TENM1: variants seen among roughly 807,000 people sequenced by gnomAD.
The protein encoded by TENM1 is teneurin-1.
TENM1 carries 35 observed loss-of-function variants against 174.8 expected under a neutral mutation model. The observed-to-expected ratio is 0.20, with a 90% CI of 0.15 to 0.27. The LOEUF is 0.27. Ranked by LOEUF, TENM1 falls within the 10% of genes least tolerant of loss-of-function variation. The pLI, the probability that TENM1 is intolerant of heterozygous loss-of-function variation, is 1.00. For missense variants in TENM1, 1,633 were observed against 2,130.1 expected (o/e 0.77, Z 4.59); for synonymous variants, 781 against 798.7 (o/e 0.98, Z 0.37).
At chrX:124,856,904 A>T (rs1021020690) in intron 3 of TENM1, among the ~76,000 whole-genome samples, 2 of 111,488 alleles carry the variant, frequency 1.8e-5, no homozygotes, top group African/African-American at 6.5e-5. Flanking sequence ...GATAGGGTAG[A>T]ATAGAACAGA....
intron 15 of TENM1, among the ~76,000 whole-genome samples, chrX:124,545,311 C>A (rs1239183077): frequency 8.9e-6 from 1 of 111,989 alleles, no homozygotes; most frequent in Admixed American, 9.4e-5. Context: ...TCACTCTGAG[C>A]GGCTGGCAAG....
chrX:124,697,485 T>C (rs902452854), intron 5 of TENM1, among the ~76,000 whole-genome samples: 20 of 111,074 alleles, frequency 1.8e-4, no homozygotes, highest in African/African-American at 6.5e-4. Flanking sequence ...CTTGTAAGTC[T>C]ACCCAGGAAA....
the TENM1 span, among the ~76,000 whole-genome samples, chrX:125,179,684 A>G: frequency 1.8e-5 from 2 of 110,788 alleles, no homozygotes. Flanking sequence ...TGCCTGGACC[A>G]GTGGCATCAG....
the TENM1 span, among the ~76,000 whole-genome samples, chrX:125,176,561 A>G: frequency 2.7e-5 from 3 of 111,331 alleles, no homozygotes; most frequent in African/African-American, 6.5e-5. Context: ...TTTTCATTCT[A>G]TGGTCCCTCT....
At chrX:124,924,883 CAT>C (rs2058070872) in intron 1 of TENM1, among the ~76,000 whole-genome samples, 1 of 110,473 alleles carries the variant, frequency 9.1e-6, no homozygotes, top group Non-Finnish European at 1.9e-5. Flanking sequence ...TGAAATCAAA[CAT>C]GTACTAACAG....
intron 1 of TENM1, among the ~76,000 whole-genome samples, chrX:124,918,824 C>G (rs1004102913): frequency 1.8e-5 from 2 of 111,510 alleles, no homozygotes; most frequent in African/African-American, 6.5e-5. Flanking sequence ...GTCAAGTAAC[C>G]TGCCATGTTA....
chrX:124,405,350 G>A (rs1222086858), intron 26 of TENM1, 84 bp from the exon 30 acceptor site: 6 of 785,993 alleles, frequency 7.6e-6, no homozygotes, highest in Non-Finnish European at 1.1e-5. Flanking sequence ...GTTTTAGGAG[G>A]CACGTTTGGG....
At chrX:124,783,619 AC>A (rs1193347485) in intron 3 of TENM1, among the ~76,000 whole-genome samples, 1 of 111,700 alleles carries the variant, frequency 9.0e-6, no homozygotes, top group Non-Finnish European at 1.9e-5. Context: ...AAAATCGATG[AC>A]CTTTAGGAAC....
chrX:124,863,736 G>A (rs2056955100), intron 3 of TENM1, among the ~76,000 whole-genome samples: 1 of 112,399 alleles, frequency 8.9e-6, no homozygotes, highest in Non-Finnish European at 1.9e-5. Context: ...CAATTGTAGA[G>A]CCCCCAGGCC....
At chrX:125,165,228 G>A in the TENM1 span, among the ~76,000 whole-genome samples, 6 of 111,679 alleles carry the variant, frequency 5.4e-5, no homozygotes, top group African/African-American at 1.6e-4. Context: ...AGGAAAGAAC[G>A]GAGTGGAAAA....
At chrX:125,136,872 G>A in the TENM1 span, among the ~76,000 whole-genome samples, 1 of 111,728 alleles carries the variant, frequency 9.0e-6, no homozygotes, top group Non-Finnish European at 1.9e-5. Flanking sequence ...ATGTATAAGG[G>A]ACTTGAACAT....
chrX:125,061,768 A>G, the TENM1 span, among the ~76,000 whole-genome samples: 2 of 111,745 alleles, frequency 1.8e-5, no homozygotes, highest in Non-Finnish European at 3.8e-5. Context: ...AATACAAAAC[A>G]AACTAGTGGT....
intron 3 of TENM1, among the ~76,000 whole-genome samples, chrX:124,846,620 C>T: frequency 9.0e-6 from 1 of 111,293 alleles, no homozygotes; most frequent in Non-Finnish European, 1.9e-5. Context: ...CTTTCACAAG[C>T]AAAATTAACA....
chrX:124,877,748 A>C (rs1262861992), intron 3 of TENM1, among the ~76,000 whole-genome samples: 1 of 111,324 alleles, frequency 9.0e-6, no homozygotes, highest in Non-Finnish European at 1.9e-5. Flanking sequence ...GCCGACTACC[A>C]CACAGTCAGA....
chrX:125,114,854 A>G, the TENM1 span, among the ~76,000 whole-genome samples: 2 of 111,933 alleles, frequency 1.8e-5, no homozygotes, highest in Non-Finnish European at 3.8e-5. Context: ...TACTCCAAAC[A>G]ATAGAAAAAC....
At chrX:124,459,528 T>C (rs766530890) in intron 22 of TENM1, among the ~76,000 whole-genome samples, 36 of 111,262 alleles carry the variant, frequency 3.2e-4, no homozygotes, top group Non-Finnish European at 5.1e-4. Context: ...CTACAATAAC[T>C]GGCTAGCCAT....
the TENM1 span, among the ~76,000 whole-genome samples, chrX:125,000,813 T>C: frequency 5.6e-4 from 62 of 111,676 alleles, no homozygotes; most frequent in African/African-American, 2.0e-3. Context: ...CCTCATTACA[T>C]GAGGTTGAGA....
At chrX:124,474,376 G>T (rs1321920553) in intron 22 of TENM1, among the ~76,000 whole-genome samples, 1 of 111,136 alleles carries the variant, frequency 9.0e-6, no homozygotes, top group East Asian at 2.8e-4. Flanking sequence ...AATTAGCAGT[G>T]GATCTGGGAT....
At chrX:125,133,147 C>T in the TENM1 span, among the ~76,000 whole-genome samples, 1 of 110,872 alleles carries the variant, frequency 9.0e-6, no homozygotes, top group African/African-American at 3.3e-5. Flanking sequence ...GCGTCTGCCA[C>T]CACGCCTGGC....
Sources: gnomAD v4.1 joint callset for allele counts (sites outside exome capture counted in the v4.1 genomes callset) on GRCh38, gnomAD v4.1.1 for gene constraint, MANE v1.5 for transcripts, NCBI Gene and HGNC (gene_info 2026-07-23, HGNC 2026-07-21) for gene names.